Variants in PRKN observed in about 807,000 individuals in gnomAD.
PRKN encodes the protein E3 ubiquitin-protein ligase parkin.
In PRKN, 56 loss-of-function variants were observed where a neutral mutation model predicts 59.5. The observed-to-expected ratio is 0.94, with a 90% CI of 0.76 to 1.18. The LOEUF (loss-of-function observed/expected upper bound fraction) is 1.18, where lower values mean the gene tolerates loss of function less well. Among genes scored for constraint, PRKN ranks in the 50% most tolerant of loss-of-function variants. PRKN has a pLI of 0.00. For missense variants in PRKN, 657 were observed against 596.4 expected (o/e 1.10, Z -1.06); for synonymous variants, 250 against 222.1 (o/e 1.13, Z -1.12).
chr6:162,284,518 C>T (rs1781091943), intron 2 of PRKN, among the ~76,000 whole-genome samples: 1 of 152,150 alleles, frequency 6.6e-6, no homozygotes, highest in South Asian at 2.1e-4. Context: ...GCCACCGCAC[C>T]CGGCCATATT....
chr6:162,461,529 G>GAA (rs1791175808), intron 1 of PRKN, among the ~76,000 whole-genome samples: 2 of 69,788 alleles, frequency 2.9e-5, no homozygotes, highest in Non-Finnish European at 6.0e-5. Context: ...AAAAAAAAAA[G>GAA]AAAGAAAAAG....
intron 7 of PRKN, among the ~76,000 whole-genome samples, chr6:161,645,674 T>C (rs2128159833): frequency 6.6e-6 from 1 of 152,366 alleles, no homozygotes; most frequent in East Asian, 1.9e-4. Flanking sequence ...TTTGGCATTG[T>C]TGCCTAATTA....
intron 5 of PRKN, among the ~76,000 whole-genome samples, chr6:162,036,388 T>C (rs536723916): frequency 6.6e-6 from 1 of 151,816 alleles, no homozygotes; most frequent in African/African-American, 2.4e-5. Flanking sequence ...GTTTAAATAA[T>C]TTTGTTTTGA....
At chr6:162,309,208 T>C (rs1782362636) in intron 2 of PRKN, among the ~76,000 whole-genome samples, 1 of 152,128 alleles carries the variant, frequency 6.6e-6, no homozygotes, top group African/African-American at 2.4e-5. Flanking sequence ...TCACCCAGCC[T>C]GGAGTGCAGT....
At chr6:161,875,011 T>TAA (rs1562356903) in intron 6 of PRKN, among the ~76,000 whole-genome samples, 1 of 95,346 alleles carries the variant, frequency 1.0e-5, no homozygotes, top group African/African-American at 5.2e-5. Context: ...ATATTATATA[T>TAA]TATATATAAA....
At chr6:162,207,229 G>T (rs968829460) in intron 3 of PRKN, among the ~76,000 whole-genome samples, 1 of 152,038 alleles carries the variant, frequency 6.6e-6, no homozygotes, top group Non-Finnish European at 1.5e-5. Flanking sequence ...AAAATTAGCC[G>T]GCTTGGTGGC....
rs560692490 is a variant in PRKN at position 161,499,700 on chromosome 6, C to T, written c.1083+49154G>A. 2.6e-5 allele frequency among the ~76,000 whole-genome samples: 4 copies of T among 152,308 alleles called. No homozygotes were observed. The highest frequency in any genetic ancestry group is 5.9e-5 in the Non-Finnish European group (4 of 68,036). ...GCATTTTCCATAAGTAACCCTTTCC[C>T]TTGACAATTCTTAGGCACAATTAAT... On this transcript the variant is annotated intron_variant, in intron 9 of 11. Coordinates refer to ENST00000366898, the MANE Select transcript of PRKN (RefSeq NM_004562.3). This position sits in a 1 kb window ranked among gnomAD's most constrained non-coding sequence, Gnocchi z 4.2.
intron 7 of PRKN, among the ~76,000 whole-genome samples, chr6:161,654,463 A>G (rs918671516): frequency 6.6e-6 from 1 of 151,984 alleles, no homozygotes; most frequent in African/African-American, 2.4e-5. Flanking sequence ...TGGCCCCTGC[A>G]ATGCCGAGAG....
At chr6:162,569,699 T>C in intron 1 of PRKN, 2 of 603,280 alleles carry the variant, frequency 3.3e-6, no homozygotes, top group Non-Finnish European at 6.1e-6. Context: ...GAAGCTGGTA[T>C]CCGAGTCCTC....
intron 1 of PRKN, among the ~76,000 whole-genome samples, chr6:162,481,944 CTG>C (rs1054869530): frequency 3.3e-5 from 5 of 152,000 alleles, no homozygotes; most frequent in Non-Finnish European, 5.9e-5. Flanking sequence ...TTATTTCAAA[CTG>C]AAAAAAATAC....
At chr6:161,984,383 G>C in intron 5 of PRKN, among the ~76,000 whole-genome samples, 1 of 152,158 alleles carries the variant, frequency 6.6e-6, no homozygotes. Flanking sequence ...TCAGCCTCCC[G>C]AGTAGCTGGG....
Position 161,936,675 on chromosome 6 carries a change from C to T in PRKN, c.734+36627G>A, listed in dbSNP as rs145496795. On this transcript the variant is annotated intron_variant, in intron 6 of 11. Coordinates refer to ENST00000366898, the MANE Select transcript of PRKN (RefSeq NM_004562.3). ...AGACTCCTCCTGCACCACGAGAAAG[C>T]TCTGATAACTCTTCTCATTGAGGAA... Among the ~76,000 whole-genome samples the T allele has an allele frequency of 7.2e-5, 11 of 152,240 alleles. No individual in the cohort carries two copies. In the East Asian group the frequency reaches 2.1e-3, roughly 29 times the overall value.
rs374329813 is a variant in PRKN at position 161,601,739 on chromosome 6, C to T, written c.872-32323G>A. Among the ~76,000 whole-genome samples, 256 of 151,962 alleles carry T rather than the reference C, an allele frequency of 1.7e-3. 1 individual carries two copies. The highest frequency in any genetic ancestry group is 6.0e-3 in the African/African-American group (247 of 41,438). On this transcript the variant is annotated intron_variant, in intron 7 of 11. Transcript: ENST00000366898. Reference sequence around the variant, plus strand: ...CTGGGATTACAGGCGCCCGCCACCACGCCTGGCTAATTTTTTGTATTTTTA... The same window carrying T: ...CTGGGATTACAGGCGCCCGCCACCATGCCTGGCTAATTTTTTGTATTTTTA...
At chr6:162,296,069 T>A (rs1781660385) in intron 2 of PRKN, among the ~76,000 whole-genome samples, 1 of 152,182 alleles carries the variant, frequency 6.6e-6, no homozygotes, top group African/African-American at 2.4e-5. Context: ...TTGTTCATTT[T>A]AAATAAAATT....
chr6:162,569,149 G>A (rs1372406666), intron 1 of PRKN: 4 of 615,942 alleles, frequency 6.5e-6, no homozygotes, highest in Non-Finnish European at 1.2e-5. Context: ...GAGGCTAAGA[G>A]CATGTACCAG....
intron 7 of PRKN, among the ~76,000 whole-genome samples, chr6:161,769,439 A>C (rs1789570201): frequency 6.6e-6 from 1 of 152,190 alleles, no homozygotes; most frequent in African/African-American, 2.4e-5. Flanking sequence ...CACTTTGCCC[A>C]AGGTTCCTGA....
chr6:162,475,677 C>T (rs1048068520), intron 1 of PRKN, among the ~76,000 whole-genome samples: 10 of 151,368 alleles, frequency 6.6e-5, no homozygotes, highest in African/African-American at 2.2e-4. Context: ...CGGCTAGCTG[C>T]GTCATGCCTC....
chr6:161,754,363 T>G (rs1788821586), intron 7 of PRKN, among the ~76,000 whole-genome samples: 1 of 151,960 alleles, frequency 6.6e-6, no homozygotes, highest in Non-Finnish European at 1.5e-5. Context: ...AGGGGTTTCC[T>G]TGAGAGACGA....
chr6:162,045,841 A>T (rs1357285773), intron 5 of PRKN, among the ~76,000 whole-genome samples: 1 of 152,066 alleles, frequency 6.6e-6, no homozygotes, highest in Non-Finnish European at 1.5e-5. Context: ...TTCTCACTCC[A>T]TTAGGCTCCT....
Sources: allele counts gnomAD v4.1 joint callset (sites outside exome capture counted in the v4.1 genomes callset), GRCh38; gene constraint gnomAD v4.1.1; non-coding constraint Gnocchi (gnomAD v3.1); transcripts MANE v1.5; gene names NCBI Gene and HGNC (gene_info 2026-07-23, HGNC 2026-07-21).